SRR: variants seen among roughly 807,000 people sequenced by gnomAD.
SRR encodes the protein D-serine ammonia-lyase.
A neutral mutation model predicts 32.7 loss-of-function variants in SRR; 19 were observed. The ratio of observed to expected loss-of-function variants is 0.58; its 90% CI spans 0.40 to 0.85. SRR has a LOEUF of 0.85. SRR is among the 40% of genes least tolerant of loss of function. The pLI is 0.00. For missense variants in SRR, 373 were observed against 404.7 expected (o/e 0.92, Z 0.67); for synonymous variants, 142 against 140.9 (o/e 1.01, Z -0.06).
chr17:2,306,040 G>A (rs976886010), intron 1 of SRR, among the ~76,000 whole-genome samples: 2 of 150,734 alleles, frequency 1.3e-5, no homozygotes, highest in South Asian at 4.3e-4. Context: ...CAAGTTGGCC[G>A]GGCGCGGTGG....
chr17:2,323,433 C>A (rs1030071318), intron 7 of SRR, 88 bp downstream of exon 7: 1 of 1,473,884 alleles, frequency 6.8e-7, no homozygotes, highest in Admixed American at 1.8e-5. Flanking sequence ...AAGTGACCCA[C>A]GGGAACCTGA....
chr17:2,314,172 G>A (rs531396670), intron 1 of SRR, among the ~76,000 whole-genome samples: 1 of 152,282 alleles, frequency 6.6e-6, no homozygotes, highest in East Asian at 1.9e-4. Flanking sequence ...AGAAGGAGCC[G>A]GGCGCAGTGA....
intron 1 of SRR, among the ~76,000 whole-genome samples, chr17:2,311,482 A>G (rs987947269): frequency 6.6e-6 from 1 of 151,954 alleles, no homozygotes; most frequent in African/African-American, 2.4e-5. Flanking sequence ...CAAAAAATAC[A>G]GACGTTTTTT....
chr17:2,320,708 C>T (rs910079258), intron 4 of SRR, among the ~76,000 whole-genome samples: 3 of 152,108 alleles, frequency 2.0e-5, no homozygotes, highest in African/African-American at 4.8e-5. Flanking sequence ...ATTACAGGCG[C>T]GTGCCACCAC....
chr17:2,306,522 G>C (rs1002268098), intron 1 of SRR, among the ~76,000 whole-genome samples: 11 of 152,052 alleles, frequency 7.2e-5, no homozygotes, highest in Admixed American at 2.6e-4. Flanking sequence ...TTCGAGACCA[G>C]CCTGGCCAAC....
At chr17:2,323,100 TTTG>T (rs1045256517) in intron 6 of SRR, 33 bp from the exon 7 acceptor site, 29 of 1,603,314 alleles carry the variant, frequency 1.8e-5, no homozygotes, top group Non-Finnish European at 2.3e-5. Context: ...AATGTTGTGG[TTTG>T]TTGTTAAGAT....
intron 6 of SRR, among the ~76,000 whole-genome samples, chr17:2,322,275 C>G (rs1254338138): frequency 6.6e-6 from 1 of 152,084 alleles, no homozygotes; most frequent in Non-Finnish European, 1.5e-5. Context: ...AAAGCAGTTA[C>G]AAGTGACACC....
Position 2,324,120 on chromosome 17 carries a change from T to C in SRR, c.*247T>C. The C allele has an allele frequency of 6.7e-7, 1 of 1,493,320 alleles. No homozygotes were observed. The highest frequency in any genetic ancestry group is 8.9e-7 in the Non-Finnish European group (1 of 1,120,266). 92.5% of individuals were successfully genotyped at this position (1,493,320 alleles called of 1,614,324 possible). ...GACAGGCTGACATAGAAAATAAACT[T>C]TGCCCAATCACAACTTGTGCCTCCC... On this transcript the variant is annotated 3_prime_UTR_variant, in exon 8 of 8. Transcript: ENST00000344595.
intron 4 of SRR, 143 bp downstream of exon 4, chr17:2,319,072 A>G (rs2075503213): frequency 1.8e-6 from 1 of 568,908 alleles, no homozygotes; most frequent in South Asian, 2.1e-5. Flanking sequence ...CTCTATCTAC[A>G]CTCACAAGAT....
At chr17:2,303,817 C>T, upstream of SRR, 1 of 1,012,434 alleles carries the variant, frequency 9.9e-7, no homozygotes, top group Non-Finnish European at 1.4e-6. Flanking sequence ...GCCCACCTCC[C>T]GGCCTTTCCC....
chr17:2,303,572 G>C, upstream of SRR: 1 of 1,360,240 alleles, frequency 7.4e-7, no homozygotes, highest in Non-Finnish European at 9.4e-7. Flanking sequence ...AGGAGGCAGA[G>C]GAGGAGGAGA....
chr17:2,320,553 C>T (rs182544679), intron 4 of SRR, among the ~76,000 whole-genome samples: 2 of 150,782 alleles, frequency 1.3e-5, no homozygotes, highest in Admixed American at 1.3e-4. Flanking sequence ...CGTGCCTGGT[C>T]CCTCATCTTC....
intron 1 of SRR, 50 bp from the exon 2 acceptor site, chr17:2,315,507 C>T: frequency 1.3e-6 from 2 of 1,541,668 alleles, no homozygotes; most frequent in Non-Finnish European, 8.7e-7. Context: ...CTTCAATAAA[C>T]ATACTGTCTC....
intron 1 of SRR, among the ~76,000 whole-genome samples, chr17:2,311,482 A>C (rs987947269): frequency 3.9e-5 from 6 of 151,954 alleles, no homozygotes; most frequent in Non-Finnish European, 7.4e-5. Flanking sequence ...CAAAAAATAC[A>C]GACGTTTTTT....
chr17:2,303,524 G>A, upstream of SRR: 3 of 1,335,284 alleles, frequency 2.2e-6, no homozygotes, highest in Non-Finnish European at 2.9e-6. Context: ...ACTGCTGGGG[G>A]AAGGGGCGGG....
At position 2,324,099 on chromosome 17, in the gene SRR, G is replaced by C. The variant is rs1276399543; in HGVS notation, c.*226G>C. Reference sequence around the variant, plus strand: ...TGCAAAATGGGGCAGTGGACTGACAGGCTGACATAGAAAATAAACTTTGCC... The same window carrying C: ...TGCAAAATGGGGCAGTGGACTGACACGCTGACATAGAAAATAAACTTTGCC... On this transcript the variant is annotated 3_prime_UTR_variant, in exon 8 of 8. Transcript: ENST00000344595. 15 of 1,449,886 alleles carry C rather than the reference G, an allele frequency of 1.0e-5. No homozygotes were observed. The highest frequency in any genetic ancestry group is 1.4e-5 in the South Asian group (1 of 69,710). The allele number at this position is 1,449,886 out of a possible 1,614,324, so 89.8% of individuals were successfully genotyped here. A position where few individuals can be genotyped will look rare whatever the true frequency, so the allele number is the denominator to read the frequency against.
chr17:2,322,178 T>C (rs1029304409), intron 6 of SRR, among the ~76,000 whole-genome samples: 3 of 152,082 alleles, frequency 2.0e-5, no homozygotes, highest in Non-Finnish European at 2.9e-5. Flanking sequence ...CAGTCCTTAC[T>C]TTGGCCTCCC....
chr17:2,303,897 C>T, upstream of SRR: 1 of 522,782 alleles, frequency 1.9e-6, no homozygotes, highest in East Asian at 3.7e-5. Context: ...GCCGCCGGTT[C>T]CAGAGGGGCG....
In SRR at chr17:2,318,860, T is replaced by G. The variant is rs776760661; in HGVS notation, c.330T>G (p.Ala110=). Residue 110 remains alanine, a synonymous_variant, in exon 4 of 8, where the codon GCT becomes GCG. Coordinates refer to ENST00000344595, the MANE Select transcript of SRR (RefSeq NM_021947.3). ...CTTATATTGTGGTGCCCCAGACAGCTCCAGACTGTAAAAAACTTGCAATAC... is the reference window on the plus strand; with the variant it reads ...CTTATATTGTGGTGCCCCAGACAGCGCCAGACTGTAAAAAACTTGCAATAC... The part of the protein sequence containing the change: ...IPAYIVVPQT[A]PDCKKLAIQA... The G allele has an allele frequency of 6.2e-7, 1 of 1,613,604 alleles. No homozygotes were observed. Among genetic ancestry groups the G allele is most frequent in the Non-Finnish European group, 8.5e-7 (1 of 1,179,854 alleles).
Sources: allele counts gnomAD v4.1 joint callset (sites outside exome capture counted in the v4.1 genomes callset), GRCh38; gene constraint gnomAD v4.1.1; transcripts MANE v1.5; gene names NCBI Gene and HGNC (gene_info 2026-07-23, HGNC 2026-07-21).